Variants in EXOC4 observed in about 807,000 individuals in gnomAD.
The protein encoded by EXOC4 is exocyst complex component 4, also known as SEC8-like 1.
A neutral mutation model predicts 107.2 loss-of-function variants in EXOC4; 71 were observed. The ratio of observed to expected loss-of-function variants is 0.66; its 90% CI spans 0.55 to 0.81. EXOC4 has a LOEUF of 0.81. EXOC4 is among the 30% of genes least tolerant of loss of function. EXOC4 has a pLI of 0.00. For missense variants in EXOC4, 1,108 were observed against 1,189.6 expected (o/e 0.93, Z 1.01); for synonymous variants, 456 against 441.2 (o/e 1.03, Z -0.42).
intron 11 of EXOC4, among the ~76,000 whole-genome samples, chr7:133,875,963 A>C (rs2116418957): frequency 6.6e-6 from 1 of 152,280 alleles, no homozygotes; most frequent in Middle Eastern, 3.4e-3. Context: ...TTCAGTCATA[A>C]CAGTATAAAC....
At chr7:133,976,388 TAAAC>T (rs1275961802) in intron 14 of EXOC4, among the ~76,000 whole-genome samples, 4 of 152,302 alleles carry the variant, frequency 2.6e-5, no homozygotes, top group African/African-American at 9.6e-5. Context: ...GAGTAGAACT[TAAAC>T]AGATCAAATC....
the EXOC4 span, among the ~76,000 whole-genome samples, chr7:134,072,982 A>T: frequency 6.6e-6 from 1 of 151,600 alleles, no homozygotes; most frequent in African/African-American, 2.4e-5. Context: ...AGGCAGGTGG[A>T]TCACTTGAGG....
At chr7:133,833,803 G>A (rs188992729) in intron 11 of EXOC4, among the ~76,000 whole-genome samples, 64 of 152,260 alleles carry the variant, frequency 4.2e-4, no homozygotes, top group African/African-American at 1.5e-3. Context: ...GGGCTCAAGC[G>A]ATCAGCTTGC....
intron 10 of EXOC4, among the ~76,000 whole-genome samples, chr7:133,719,819 T>C (rs899458556): frequency 6.6e-6 from 1 of 152,202 alleles, no homozygotes; most frequent in African/African-American, 2.4e-5. Flanking sequence ...GCCAGAGTTC[T>C]ATAAAAGATT....
At chr7:133,379,845 G>A (rs1173188192) in intron 7 of EXOC4, among the ~76,000 whole-genome samples, 6 of 152,020 alleles carry the variant, frequency 3.9e-5, no homozygotes, top group Non-Finnish European at 8.8e-5. Flanking sequence ...GGCTGAAAAC[G>A]AAACCCATTA....
chr7:134,091,741 C>T, the EXOC4 span, among the ~76,000 whole-genome samples: 520 of 152,198 alleles, frequency 3.4e-3, 1 homozygote, highest in Middle Eastern at 0.014. Context: ...AAGTCTGCTC[C>T]AGATCTTCTA....
At chr7:133,595,927 A>C (rs1255056583) in intron 9 of EXOC4, among the ~76,000 whole-genome samples, 2 of 152,136 alleles carry the variant, frequency 1.3e-5, no homozygotes, top group Non-Finnish European at 2.9e-5. Flanking sequence ...TACAGAGCCA[A>C]ATACCAGATT....
intron 10 of EXOC4, among the ~76,000 whole-genome samples, chr7:133,686,626 T>A (rs942771815): frequency 6.6e-6 from 1 of 152,076 alleles, no homozygotes; most frequent in African/African-American, 2.4e-5. Flanking sequence ...ATGCTCAACA[T>A]CACTAATGAT....
intron 11 of EXOC4, among the ~76,000 whole-genome samples, chr7:133,860,363 G>C (rs187191511): frequency 1.3e-5 from 2 of 152,290 alleles, no homozygotes; most frequent in South Asian, 2.1e-4. Flanking sequence ...CAAGCTAACA[G>C]AGCATGAGAG....
chr7:133,280,094 AT>A (rs1794096888), intron 2 of EXOC4, among the ~76,000 whole-genome samples: 1 of 152,262 alleles, frequency 6.6e-6, no homozygotes, highest in Non-Finnish European at 1.5e-5. Context: ...AGTAGGTGGT[AT>A]TACAGGCACT....
At chr7:133,521,005 A>G (rs1301484068) in intron 9 of EXOC4, among the ~76,000 whole-genome samples, 1 of 152,178 alleles carries the variant, frequency 6.6e-6, no homozygotes, top group Non-Finnish European at 1.5e-5. Flanking sequence ...GTTATGTGGA[A>G]TGTTGACCCT....
chr7:133,889,433 T>TTA (rs1799159209), intron 11 of EXOC4, among the ~76,000 whole-genome samples: 1 of 150,902 alleles, frequency 6.6e-6, no homozygotes, highest in Non-Finnish European at 1.5e-5. Flanking sequence ...TTATTTTTTT[T>TTA]AATTATACTT....
rs1276075729 is a variant in EXOC4, at chr7:133,787,956, TATATA to T, written c.1515-29368_1515-29364del. On this transcript the variant is annotated intron_variant, in intron 10 of 17. Coordinates refer to ENST00000253861, the MANE Select transcript of EXOC4 (RefSeq NM_021807.4). ...GATACTTCTTCCCTGTGCATATATTTATATATTTATATATATATATATATATATAT... is the reference window on the plus strand; with the variant it reads ...GATACTTCTTCCCTGTGCATATATTTTTTATATATATATATATATATATAT... Among the ~76,000 whole-genome samples, 306 of 50,520 alleles carry T rather than the reference TATATA, an allele frequency of 6.1e-3. 12 individuals are homozygous for T. The highest frequency in any genetic ancestry group is 0.018 in the African/African-American group (253 of 13,698). The allele number at this position is 50,520 out of a possible 152,430, so 33.1% of individuals were successfully genotyped here.
chr7:134,064,288 C>A lies in EXOC4; in HGVS notation c.2688-3C>A. The A allele has an allele frequency of 7.0e-7, 1 of 1,424,478 alleles. No homozygotes were observed. The highest frequency in any genetic ancestry group is 1.7e-5 in the South Asian group (1 of 60,134). The allele number at this position is 1,424,478 out of a possible 1,614,324, so 88.2% of individuals were successfully genotyped here. ...TGAGCAGTGTTCTCTCTTGCTTTCT[C>A]AGGCAGTACTACGAGATGCTTTACA... On this transcript the variant is annotated splice_polypyrimidine_tract_variant and splice_region_variant and intron_variant, in intron 17 of 17. Transcript: ENST00000253861.
At chr7:133,755,309 T>C (rs1172589661) in intron 10 of EXOC4, among the ~76,000 whole-genome samples, 1 of 92,882 alleles carries the variant, frequency 1.1e-5, no homozygotes, top group Middle Eastern at 4.3e-3. Context: ...ATATTATATA[T>C]ATATTATATA....
intron 11 of EXOC4, among the ~76,000 whole-genome samples, chr7:133,820,903 G>T (rs953437272): frequency 1.3e-5 from 2 of 152,164 alleles, no homozygotes; most frequent in African/African-American, 4.8e-5. Flanking sequence ...ACAGACACTT[G>T]GATTATTAGA....
chr7:133,363,563 A>C (rs1006883199), intron 6 of EXOC4, among the ~76,000 whole-genome samples: 1 of 150,412 alleles, frequency 6.6e-6, no homozygotes, highest in African/African-American at 2.5e-5. Flanking sequence ...CAGAGATGTT[A>C]CTCAATATTA....
intron 9 of EXOC4, chr7:133,480,803 C>T (rs1799136531): frequency 6.6e-6 from 1 of 152,064 alleles, no homozygotes; most frequent in Admixed American, 6.6e-5. Flanking sequence ...CCTGTAATCT[C>T]AGCACTTTGG....
chr7:133,275,483 A>G (rs1461963082), intron 2 of EXOC4, among the ~76,000 whole-genome samples: 4 of 152,208 alleles, frequency 2.6e-5, no homozygotes. Flanking sequence ...ACCAGAAGGC[A>G]TACTGGCCCT....
Sources: allele counts gnomAD v4.1 joint callset (sites outside exome capture counted in the v4.1 genomes callset), GRCh38; gene constraint gnomAD v4.1.1; transcripts MANE v1.5; gene names NCBI Gene and HGNC (gene_info 2026-07-23, HGNC 2026-07-21).